METTL8: variants seen among roughly 807,000 people sequenced by gnomAD.
METTL8 encodes methyltransferase 8, tRNA N3-cytidine, also known as tRNA N(3)-cytidine methyltransferase METTL8, mitochondrial.
Under a neutral mutation model 48.7 loss-of-function variants are expected in METTL8, and 32 were observed. The ratio of observed to expected loss-of-function variants is 0.66; its 90% CI spans 0.50 to 0.88. The LOEUF (loss-of-function observed/expected upper bound fraction) is 0.88, where lower values mean the gene tolerates loss of function less well. METTL8 is among the 40% of genes least tolerant of loss of function. The pLI is 0.00. For synonymous variants in METTL8, 136 were observed against 157.1 expected, an observed-to-expected ratio of 0.87 and a Z score of 1.01; for missense variants, 464 against 474.4, an observed-to-expected ratio of 0.98 and a Z score of 0.20.
chr2:171,372,583 A>G (rs1278133351), intron 2 of METTL8, among the ~76,000 whole-genome samples: 1 of 151,986 alleles, frequency 6.6e-6, no homozygotes, highest in Non-Finnish European at 1.5e-5. Flanking sequence ...TGCTGCACCC[A>G]TTAACTCGTC....
At chr2:171,341,324 T>C (rs1686738829) in intron 3 of METTL8, among the ~76,000 whole-genome samples, 1 of 138,988 alleles carries the variant, frequency 7.2e-6, no homozygotes, top group African/African-American at 2.6e-5. Context: ...CAAGACTCCG[T>C]CTCAAAAAAA....
chr2:171,390,694 A>T (rs1363003044), intron 2 of METTL8, among the ~76,000 whole-genome samples: 1 of 152,230 alleles, frequency 6.6e-6, no homozygotes, highest in Non-Finnish European at 1.5e-5. Flanking sequence ...CTGCAATCTC[A>T]TGATAAAACT....
chr2:171,356,952 A>ATGGTTTTTTTTTT, intron 3 of METTL8, among the ~76,000 whole-genome samples: 2 of 78,468 alleles, frequency 2.5e-5, no homozygotes, highest in African/African-American at 8.9e-5. Flanking sequence ...CAAAGACAAT[A>ATGGTTTTTTTTTT]TTTTTTTTTT....
Position 171,319,046 on chromosome 2 carries a change from C to G in METTL8, c.*5126G>C, listed in dbSNP as rs562244334. 6.6e-6 allele frequency: 1 copy of G among 152,062 alleles called. No homozygotes were observed. Among genetic ancestry groups the G allele is most frequent in the Non-Finnish European group, 1.5e-5 (1 of 68,024 alleles). 9.4% of individuals were successfully genotyped at this position (152,062 alleles called of 1,614,324 possible). On this transcript the variant is annotated 3_prime_UTR_variant, in exon 10 of 10. Transcript: ENST00000375258. ...CAGAGCTAAATTAAGAGTAGCTAAG[C>G]AGTTCAATAGGAACTAGGACCCATG...
intron 2 of METTL8, among the ~76,000 whole-genome samples, chr2:171,389,464 G>A (rs1488447987): frequency 1.5e-5 from 2 of 131,570 alleles, no homozygotes; most frequent in African/African-American, 2.9e-5. Context: ...TCAGTGAACC[G>A]TGACCACACC....
chr2:171,324,687 A>G (rs1013946322), intron 9 of METTL8, among the ~76,000 whole-genome samples: 1 of 152,220 alleles, frequency 6.6e-6, no homozygotes, highest in Non-Finnish European at 1.5e-5. Flanking sequence ...CCAAAACGGC[A>G]GATTATAAAA....
intron 6 of METTL8, 25 bp from the exon 7 acceptor site, chr2:171,330,723 C>CA (rs1559050634): frequency 6.4e-7 from 1 of 1,564,658 alleles, no homozygotes; most frequent in South Asian, 1.2e-5. Context: ...GAACAGAAAG[C>CA]AAAAAGAGGA....
chr2:171,371,836 C>CTATTATTATTATTATTAT (rs4027587), intron 2 of METTL8, among the ~76,000 whole-genome samples: 49 of 143,856 alleles, frequency 3.4e-4, no homozygotes, highest in South Asian at 1.1e-3. Context: ...GTTATTATTA[C>CTATTATTATTATTATTAT]TATTATTATT....
At chr2:171,382,426 C>G (rs1687641460) in intron 2 of METTL8, among the ~76,000 whole-genome samples, 2 of 152,058 alleles carry the variant, frequency 1.3e-5, no homozygotes, top group Admixed American at 6.6e-5. Flanking sequence ...AAGCTGGAAG[C>G]CATCATCCTC....
chr2:171,408,268 C>A (rs559271386), intron 1 of METTL8, among the ~76,000 whole-genome samples: 12 of 150,326 alleles, frequency 8.0e-5, no homozygotes, highest in Non-Finnish European at 1.0e-4. Context: ...TTAGAAAATT[C>A]TGTTCCAGAG....
At chr2:171,325,938 AG>A (rs1359335948) in intron 8 of METTL8, 32 bp from the exon 9 acceptor site, 7 of 1,472,274 alleles carry the variant, frequency 4.8e-6, no homozygotes, top group Non-Finnish European at 6.6e-6. Flanking sequence ...GAAACTCTTA[AG>A]GGTATTCCTT....
At position 171,345,157 on chromosome 2, in the gene METTL8, A is replaced by G. The variant is rs551033126; in HGVS notation, c.236-5603T>C. On this transcript the variant is annotated intron_variant, in intron 3 of 9. Transcript: ENST00000375258. ...GAGGGATGTAGCGATCTGTTTAACT[A>G]CAGCCCAATGAAGCAACTTCTCAAT... is the stretch of plus-strand genomic sequence containing the variant. Among the ~76,000 whole-genome samples, 5 of 152,314 alleles carry G rather than the reference A, an allele frequency of 3.3e-5. No homozygotes were observed. In the East Asian group the frequency reaches 7.7e-4, roughly 23 times the overall value.
chr2:171,381,780 C>CT (rs35185395), intron 2 of METTL8, among the ~76,000 whole-genome samples: 7,092 of 125,630 alleles, frequency 0.056, 302 homozygotes, highest in African/African-American at 0.11. Context: ...ATTAGGAACA[C>CT]TTTTTTTTTT....
intron 5 of METTL8, among the ~76,000 whole-genome samples, chr2:171,336,324 T>C (rs1043992078): frequency 1.3e-4 from 19 of 150,556 alleles, no homozygotes; most frequent in Non-Finnish European, 2.2e-4. Flanking sequence ...CTCGAACTCC[T>C]GATCTCGTGA....
At chr2:171,412,709 C>G (rs1402252532) in intron 1 of METTL8, among the ~76,000 whole-genome samples, 1 of 151,770 alleles carries the variant, frequency 6.6e-6, no homozygotes, top group Non-Finnish European at 1.5e-5. Context: ...GTCTTCTTCA[C>G]CAACTATGGA....
At chr2:171,377,464 G>A (rs1687091001) in intron 2 of METTL8, among the ~76,000 whole-genome samples, 1 of 152,154 alleles carries the variant, frequency 6.6e-6, no homozygotes, top group South Asian at 2.1e-4. Context: ...CACAGAGTGG[G>A]AGAAAATATT....
chr2:171,363,306 C>G (rs993610604), intron 2 of METTL8, among the ~76,000 whole-genome samples: 9 of 152,014 alleles, frequency 5.9e-5, no homozygotes, highest in African/African-American at 2.2e-4. Context: ...TCCTCCAGCC[C>G]TGCTGCTTTA....
At chr2:171,370,849 C>T (rs1026021380) in intron 2 of METTL8, among the ~76,000 whole-genome samples, 1 of 151,980 alleles carries the variant, frequency 6.6e-6, no homozygotes, top group African/African-American at 2.4e-5. Context: ...ACTTTGAAGA[C>T]TTTGGTTTTC....
chr2:171,333,103 T>TTG (rs1383990544), intron 5 of METTL8, among the ~76,000 whole-genome samples: 1 of 151,370 alleles, frequency 6.6e-6, no homozygotes. Flanking sequence ...TTCTTTTCTT[T>TTG]TTTTTTTTTG....
Sources: allele counts gnomAD v4.1 joint callset (sites outside exome capture counted in the v4.1 genomes callset), GRCh38; gene constraint gnomAD v4.1.1; transcripts MANE v1.5; gene names NCBI Gene and HGNC (gene_info 2026-07-23, HGNC 2026-07-21).